Variants in SAP130 observed in about 807,000 individuals in gnomAD.
The protein encoded by SAP130 is Sin3A associated protein 130.
In SAP130, 16 loss-of-function variants were observed where a neutral mutation model predicts 103.2. That is an observed-to-expected ratio of 0.16 (90% CI 0.10 to 0.24). The LOEUF (loss-of-function observed/expected upper bound fraction) is 0.24. Ranked by LOEUF, SAP130 falls within the 10% of genes least tolerant of loss-of-function variation. The pLI is 1.00. For synonymous variants in SAP130, 477 were observed against 497.0 expected (o/e 0.96, Z 0.53); for missense variants, 990 against 1,359.7 (o/e 0.73, Z 4.28).
Position 127,955,205 on chromosome 2 carries a change from T to A in SAP130, c.2203A>T (p.Thr735Ser). ...TAQQPPPTIP[T>S]MIAAASPPSQ... ...GGGGGACTGGCTGCTGCAATCATAG[T>A]TGGAATGGTCGGTGGGGGCTGCTGG... is the stretch of plus-strand genomic sequence containing the variant. Residue 735 changes from threonine (T) to serine (S), a missense_variant, in exon 16 of 21, where the codon ACT becomes TCT. Transcript: ENST00000643581. This position sits in a 1 kb window ranked among gnomAD's most constrained non-coding sequence, Gnocchi z 4.9. 1 of 1,613,912 alleles carries A rather than the reference T, an allele frequency of 6.2e-7. No individual in the cohort carries two copies. Among genetic ancestry groups the A allele is most frequent in the African/African-American group, 1.3e-5 (1 of 74,972 alleles).
intron 16 of SAP130, 39 bp downstream of exon 16, chr2:127,954,946 AG>A (rs1239009467): frequency 1.4e-6 from 2 of 1,420,440 alleles, no homozygotes; most frequent in Non-Finnish European, 1.9e-6. Context: ...GAAGGGGAAG[AG>A]GCAATTGCCA....
At chr2:128,024,935 G>A (rs925883647) in intron 2 of SAP130, among the ~76,000 whole-genome samples, 4 of 149,818 alleles carry the variant, frequency 2.7e-5, no homozygotes, top group African/African-American at 4.9e-5. Context: ...CCAAAAGATC[G>A]AGGCTGCAGT....
rs1421747882 is a variant in SAP130 at position 128,026,224 on chromosome 2, A to G, written c.69T>C (p.Ile23=). 1.2e-6 allele frequency: 2 copies of G among 1,614,180 alleles called. No individual in the cohort carries two copies. Among genetic ancestry groups the G allele is most frequent in the Non-Finnish European group, 1.7e-6 (2 of 1,180,028 alleles). Residue 23 remains isoleucine (I), a synonymous_variant, in exon 2 of 21, where the codon ATT becomes ATC. Coordinates refer to ENST00000643581, the MANE Select transcript of SAP130 (RefSeq NM_001330301.2). ...TCAATCCAGCAGAACCACTGTTTGC[A>G]ATCTGAGAAGGGGCCTGGCTCAGCC... ...STGLSQAPSQ[I]ANSGSAGLIN... is the part of the protein sequence containing the mutation.
intron 11 of SAP130, among the ~76,000 whole-genome samples, chr2:127,995,066 T>C (rs929145575): frequency 1.3e-5 from 2 of 152,190 alleles, no homozygotes; most frequent in African/African-American, 2.4e-5. Flanking sequence ...GGGTTCTTTA[T>C]GGGAGAGGCA....
At chr2:127,946,161 G>A (rs1319058169) in intron 18 of SAP130, among the ~76,000 whole-genome samples, 4 of 152,168 alleles carry the variant, frequency 2.6e-5, no homozygotes, top group Admixed American at 1.3e-4. Context: ...GAAGTGGGCT[G>A]TAAAACAGAT....
intron 15 of SAP130, among the ~76,000 whole-genome samples, chr2:127,962,493 G>A (rs1158923926): frequency 3.3e-5 from 5 of 152,112 alleles, no homozygotes; most frequent in African/African-American, 9.7e-5. Flanking sequence ...GTCCAAAAAC[G>A]ATAGACTGGA....
At chr2:128,027,663 T>A (rs1232520925) in intron 1 of SAP130, among the ~76,000 whole-genome samples, 1 of 93,726 alleles carries the variant, frequency 1.1e-5, no homozygotes, top group Non-Finnish European at 2.1e-5. Flanking sequence ...CCGGCCGCTC[T>A]GCTTCCCCGC....
intron 15 of SAP130, among the ~76,000 whole-genome samples, chr2:127,960,676 C>T (rs1680177281): frequency 1.3e-5 from 2 of 152,114 alleles, no homozygotes; most frequent in Non-Finnish European, 2.9e-5. Flanking sequence ...ATGTTTCAAA[C>T]GATATATCAA....
intron 18 of SAP130, among the ~76,000 whole-genome samples, chr2:127,947,365 G>C (rs943177112): frequency 1.3e-5 from 2 of 152,144 alleles, no homozygotes; most frequent in Middle Eastern, 3.2e-3. Flanking sequence ...TTCAAATGTT[G>C]AACCAGCTTT....
chr2:128,009,683 C>G (rs1036581757), intron 7 of SAP130, among the ~76,000 whole-genome samples: 1 of 152,114 alleles, frequency 6.6e-6, no homozygotes, highest in African/African-American at 2.4e-5. Context: ...CCATCATGCC[C>G]CAGCCGAGTC....
intron 5 of SAP130, among the ~76,000 whole-genome samples, chr2:128,013,723 G>C (rs1319415747): frequency 6.6e-6 from 1 of 152,116 alleles, no homozygotes; most frequent in Non-Finnish European, 1.5e-5. Flanking sequence ...AAAATTTCTA[G>C]TCAAAATTCA....
chr2:127,952,435 A>G (rs72969610), intron 16 of SAP130, among the ~76,000 whole-genome samples: 9,137 of 138,288 alleles, frequency 0.066, 713 homozygotes, highest in African/African-American at 0.2. Context: ...TGGGCAAAAG[A>G]GCACAACTCC....
At chr2:127,991,049 A>G (rs564923872) in intron 12 of SAP130, among the ~76,000 whole-genome samples, 11 of 152,276 alleles carry the variant, frequency 7.2e-5, no homozygotes, top group Non-Finnish European at 1.3e-4. Flanking sequence ...CAGGAGTTCA[A>G]AACCAGCCTG....
intron 15 of SAP130, among the ~76,000 whole-genome samples, chr2:127,967,094 A>G (rs1680710290): frequency 6.6e-6 from 1 of 152,244 alleles, no homozygotes; most frequent in Non-Finnish European, 1.5e-5. Context: ...AGATTCATCA[A>G]GAAGATCAAA....
intron 15 of SAP130, among the ~76,000 whole-genome samples, chr2:127,977,391 T>G (rs192489797): frequency 2.1e-3 from 314 of 146,238 alleles, no homozygotes; most frequent in Non-Finnish European, 3.2e-3. Context: ...TCCCAGCTAC[T>G]CCGGTGGCCG....
At position 127,955,140 on chromosome 2, in the gene SAP130, C is replaced by A; in HGVS notation, c.2268G>T (p.Ala756=). 1 of 1,614,064 alleles carries A rather than the reference C, an allele frequency of 6.2e-7. No homozygotes were observed. Among genetic ancestry groups the A allele is most frequent in the African/African-American group, 1.3e-5 (1 of 74,996 alleles). The change falls in exon 16 of 21, where the codon GCG becomes GCT. Residue 756 remains alanine (A), a synonymous_variant. Transcript: ENST00000643581. The surrounding 1 kb of genome is among the most constrained non-coding windows in gnomAD (Gnocchi z 4.9). ...PAVALSTIPG[A]VPITPPITTI... ...TGGTGATGGGTGGAGTGATGGGGACCGCTCCAGGAATGGTTGAAAGGGCAA... is the reference window on the plus strand; with the variant it reads ...TGGTGATGGGTGGAGTGATGGGGACAGCTCCAGGAATGGTTGAAAGGGCAA...
At chr2:127,982,779 G>C (rs758631642) in intron 14 of SAP130, among the ~76,000 whole-genome samples, 4 of 152,196 alleles carry the variant, frequency 2.6e-5, no homozygotes, top group Non-Finnish European at 5.9e-5. Flanking sequence ...GGAAATGACT[G>C]CAAGTGACCA....
At chr2:127,950,665 C>T (rs1319945520) in intron 16 of SAP130, among the ~76,000 whole-genome samples, 2 of 152,198 alleles carry the variant, frequency 1.3e-5, no homozygotes, top group Non-Finnish European at 2.9e-5. Flanking sequence ...AAAGAATGTA[C>T]TTCCTAGCCT....
intron 5 of SAP130, 100 bp downstream of exon 5, chr2:128,014,703 T>C (rs1684651068): frequency 4.6e-6 from 4 of 869,470 alleles, no homozygotes; most frequent in Non-Finnish European, 7.5e-6. Flanking sequence ...TTCTGCAACT[T>C]TAACAAGCTG....
Sources: allele counts gnomAD v4.1 joint callset (sites outside exome capture counted in the v4.1 genomes callset), GRCh38; gene constraint gnomAD v4.1.1; non-coding constraint Gnocchi (gnomAD v3.1); transcripts MANE v1.5; gene names NCBI Gene and HGNC (gene_info 2026-07-23, HGNC 2026-07-21).